Variants in EIF3H observed in about 807,000 individuals in gnomAD.
EIF3H encodes the protein eIF-3-gamma.
In EIF3H, 26 loss-of-function variants were observed where a neutral mutation model predicts 44.2. The observed-to-expected ratio is 0.59, with a 90% CI of 0.43 to 0.82. EIF3H has a LOEUF of 0.82. EIF3H is among the 40% of genes least tolerant of loss of function. The pLI, the probability that EIF3H is intolerant of heterozygous loss-of-function variation, is 0.00. For missense variants in EIF3H, 359 were observed against 432.8 expected, an observed-to-expected ratio of 0.83 and a Z score of 1.51; for synonymous variants, 166 against 151.9, an observed-to-expected ratio of 1.09 and a Z score of -0.68.
intron 1 of EIF3H, among the ~76,000 whole-genome samples, chr8:116,740,589 C>A (rs1379027676): frequency 1.3e-5 from 2 of 152,118 alleles, no homozygotes; most frequent in South Asian, 2.1e-4. Flanking sequence ...CAGATGAAAC[C>A]CCAACATTCA....
chr8:116,730,338 C>A (rs1814930632), intron 1 of EIF3H, among the ~76,000 whole-genome samples: 1 of 152,212 alleles, frequency 6.6e-6, no homozygotes, highest in Admixed American at 6.5e-5. Context: ...CAAACCTTTA[C>A]TGTGAACTGC....
intron 7 of EIF3H, 101 bp downstream of exon 7, chr8:116,646,370 C>T (rs907567706): frequency 1.3e-6 from 2 of 1,533,092 alleles, no homozygotes; most frequent in African/African-American, 2.7e-5. Context: ...TTCAAACATA[C>T]TAGCTTTTAC....
At chr8:116,727,108 T>C (rs541411656) in intron 1 of EIF3H, among the ~76,000 whole-genome samples, 16 of 152,336 alleles carry the variant, frequency 1.1e-4, no homozygotes, top group African/African-American at 3.4e-4. Flanking sequence ...AAATATATTA[T>C]TGTTAGAAAC....
At chr8:116,679,447 G>A (rs1813926683) in intron 2 of EIF3H, among the ~76,000 whole-genome samples, 1 of 47,302 alleles carries the variant, frequency 2.1e-5, no homozygotes, top group African/African-American at 5.2e-5. Flanking sequence ...CGCCCCGTCC[G>A]GGAGGTGAGG....
intron 1 of EIF3H, among the ~76,000 whole-genome samples, chr8:116,754,066 A>C (rs988148990): frequency 2.0e-5 from 3 of 151,992 alleles, no homozygotes; most frequent in Non-Finnish European, 4.4e-5. Flanking sequence ...TCTGCCTCCC[A>C]TGAGCCAGGG....
At chr8:116,675,181 A>G (rs1813829119) in intron 2 of EIF3H, among the ~76,000 whole-genome samples, 1 of 152,224 alleles carries the variant, frequency 6.6e-6, no homozygotes, top group South Asian at 2.1e-4. Flanking sequence ...ATAAATACAC[A>G]AAGATTCTTG....
intron 1 of EIF3H, among the ~76,000 whole-genome samples, chr8:116,744,392 T>A (rs1815197017): frequency 6.6e-6 from 1 of 152,180 alleles, no homozygotes; most frequent in Non-Finnish European, 1.5e-5. Context: ...TTTGACTAAG[T>A]TAATACTGAG....
At position 116,644,436 on chromosome 8, in the gene EIF3H, G is replaced by A. The variant is rs773296191; in HGVS notation, c.*570C>T. On this transcript the variant is annotated 3_prime_UTR_variant, in exon 8 of 8. Coordinates refer to ENST00000521861, the MANE Select transcript of EIF3H (RefSeq NM_003756.3). ...TAATCTTGTGTCCCATGGCCTATGA[G>A]TACGGGGACTGGTTGACCATCACCT... 2.6e-5 allele frequency: 4 copies of A among 153,006 alleles called. No individual in the cohort carries two copies. The highest frequency in any genetic ancestry group is 5.8e-5 in the Non-Finnish European group (4 of 68,646). The allele number at this position is 153,006 out of a possible 1,614,324, so 9.5% of individuals were successfully genotyped here. A position where few individuals can be genotyped will look rare whatever the true frequency, so the allele number is the denominator to read the frequency against.
chr8:116,715,651 A>C (rs1325496040), intron 2 of EIF3H, among the ~76,000 whole-genome samples: 1 of 152,114 alleles, frequency 6.6e-6, no homozygotes, highest in Non-Finnish European at 1.5e-5. Context: ...TGAAATAGTA[A>C]ATCAATTTAG....
chr8:116,657,184 A>C, intron 4 of EIF3H, 31 bp downstream of exon 4: 1 of 1,555,990 alleles, frequency 6.4e-7, no homozygotes, highest in Non-Finnish European at 8.9e-7. Context: ...AAAAATACCC[A>C]ACCCTTTACC....
In EIF3H at chr8:116,714,091, G is replaced by A. The variant is rs534067816; in HGVS notation, c.289+11925C>T. ...GGATACTAAAGCAACAGCAATATCT[G>A]AAAAGTATTTTCAAGGAATCTGAAC... is the stretch of plus-strand genomic sequence containing the variant. On this transcript the variant is annotated intron_variant, in intron 2 of 7. Transcript: ENST00000521861. Among the ~76,000 whole-genome samples the A allele has an allele frequency of 3.9e-5, 6 of 152,100 alleles. No homozygotes were observed. In the South Asian group the frequency reaches 1.2e-3, roughly 32 times the overall value.
At chr8:116,702,554 A>C (rs893191534) in intron 2 of EIF3H, among the ~76,000 whole-genome samples, 5 of 152,176 alleles carry the variant, frequency 3.3e-5, no homozygotes, top group Non-Finnish European at 5.9e-5. Context: ...AATTTACCTT[A>C]CTGGTTTCTA....
At chr8:116,685,659 C>T (rs79945532) in intron 2 of EIF3H, among the ~76,000 whole-genome samples, 17,526 of 152,128 alleles carry the variant, frequency 0.12, 1,282 homozygotes, top group East Asian at 0.41. Context: ...AAAAACTGAG[C>T]AAGTCCAGGT....
chr8:116,700,990 C>G (rs182499539), intron 2 of EIF3H, among the ~76,000 whole-genome samples: 1 of 152,184 alleles, frequency 6.6e-6, no homozygotes, highest in East Asian at 1.9e-4. Flanking sequence ...TGTTAAATTA[C>G]TTTATTCTAA....
In EIF3H at chr8:116,698,527, C is replaced by T. The variant is rs534162998; in HGVS notation, c.289+27489G>A. Among the ~76,000 whole-genome samples the T allele has an allele frequency of 2.6e-4, 39 of 152,238 alleles. 1 individual carries two copies. The South Asian group carries it at 7.9e-3, about 31-fold the overall frequency. On this transcript the variant is annotated intron_variant, in intron 2 of 7. Transcript: ENST00000521861. ...ACTTACAAAAAGCCTTCATGGTTGC[C>T]CACTATCAATAGTATAAAAGCCAAA... is the stretch of plus-strand genomic sequence containing the variant.
intron 2 of EIF3H, among the ~76,000 whole-genome samples, chr8:116,714,723 A>T (rs1245621376): frequency 6.7e-6 from 1 of 150,244 alleles, no homozygotes; most frequent in Non-Finnish European, 1.5e-5. Flanking sequence ...AACAAAAGAA[A>T]GAGAGTTTTG....
At position 116,648,933 on chromosome 8, in the gene EIF3H, TGTAAA is replaced by T. The variant is rs1813347519; in HGVS notation, c.708-12_708-8del. On this transcript the variant is annotated splice_region_variant and splice_polypyrimidine_tract_variant and intron_variant, in intron 5 of 7. Transcript: ENST00000521861. ...ATTCTTCCCCAAATGATTGCTGAAA[TGTAAA>T]GTAAATATACTGACAAGTCTTACTT... is the stretch of plus-strand genomic sequence containing the variant. 1.2e-6 allele frequency: 2 copies of T among 1,609,746 alleles called. No homozygotes were observed.
chr8:116,734,349 T>C (rs1814998543), intron 1 of EIF3H: 2 of 455,940 alleles, frequency 4.4e-6, no homozygotes, highest in South Asian at 3.1e-5. Flanking sequence ...ATCAGCCCTA[T>C]GAAAACTTGG....
At chr8:116,733,582 C>A (rs1814985336) in intron 1 of EIF3H, among the ~76,000 whole-genome samples, 1 of 151,936 alleles carries the variant, frequency 6.6e-6, no homozygotes, top group Non-Finnish European at 1.5e-5. Flanking sequence ...AAAGATATTT[C>A]ATGTATTTCA....
Sources: allele counts gnomAD v4.1 joint callset (sites outside exome capture counted in the v4.1 genomes callset), GRCh38; gene constraint gnomAD v4.1.1; transcripts MANE v1.5; gene names NCBI Gene and HGNC (gene_info 2026-07-23, HGNC 2026-07-21).